UAP1L1: variants seen among roughly 807,000 people sequenced by gnomAD.
UAP1L1 encodes UDP-N-acetylglucosamine pyrophosphorylase 1 like 1, also known as UDP-N-acetylhexosamine pyrophosphorylase-like protein 1.
Under a neutral mutation model 45.3 loss-of-function variants are expected in UAP1L1, and 45 were observed. The observed-to-expected ratio is 0.99, with a 90% CI of 0.78 to 1.27. UAP1L1 has a LOEUF of 1.27. UAP1L1 is among the 50% of genes most tolerant of loss of function. The pLI is 0.00. For missense variants in UAP1L1, 667 were observed against 694.0 expected (o/e 0.96, Z 0.44); for synonymous variants, 323 against 303.9 (o/e 1.06, Z -0.65).
Position 137,082,677 on chromosome 9 carries a change from C to T in UAP1L1, c.1472C>T (p.Pro491Leu), listed in dbSNP as rs905551453. ...VYLQGREFQS[P>L]LILDEDQARE... ...CTGCAAGGCCGGGAGTTCCAGTCCC[C>T]GCTCATCCTGGATGAAGACCAGGCC... Residue 491 changes from proline (P) to leucine (L), a missense_variant, in exon 9 of 9, where the codon CCG becomes CTG. Coordinates refer to ENST00000409858, the MANE Select transcript of UAP1L1 (RefSeq NM_207309.3). The surrounding 1 kb of genome is among the most constrained non-coding windows in gnomAD (Gnocchi z 5.7). 7.7e-6 allele frequency: 12 copies of T among 1,552,092 alleles called. No homozygotes were observed. The highest frequency in any genetic ancestry group is 5.9e-5 in the South Asian group (5 of 84,112).
At chr9:137,079,510 C>G in intron 5 of UAP1L1, 61 bp downstream of exon 5, 1 of 1,506,152 alleles carries the variant, frequency 6.6e-7, no homozygotes. Context: ...ACCAGGGACC[C>G]GCGGGGTCCC....
chr9:137,080,228 G>A (rs1832769738), intron 6 of UAP1L1, 86 bp downstream of exon 6: 1 of 1,552,152 alleles, frequency 6.4e-7, no homozygotes, highest in East Asian at 2.2e-5. Context: ...TAGGGAAGTA[G>A]AGGCTTGAGG....
At position 137,078,199 on chromosome 9, in the gene UAP1L1, C is replaced by T. The variant is rs940169331; in HGVS notation, c.439C>T (p.Arg147Trp). Residue 147 changes from arginine (R) to tryptophan (W), a missense_variant, in exon 2 of 9, where the codon CGG becomes TGG. Arg to Trp is a moderately radical substitution (Grantham distance 101, BLOSUM62 -3). Transcript: ENST00000409858. Reference sequence around the variant, plus strand: ...GTACCAGCTGCAGGCGGAGCGGATTCGGCGGGTGGAGCAGCTGGCCGGTGA... The same window carrying T: ...GTACCAGCTGCAGGCGGAGCGGATTTGGCGGGTGGAGCAGCTGGCCGGTGA... Reference protein sequence around the residue: ...TLYQLQAERIRRVEQLAGERH... With the variant: ...TLYQLQAERIWRVEQLAGERH... The T allele has an allele frequency of 6.8e-5, 105 of 1,549,040 alleles. No individual in the cohort carries two copies. The highest frequency in any genetic ancestry group is 8.5e-5 in the Non-Finnish European group (98 of 1,146,740).
In UAP1L1 at chr9:137,079,308, A is replaced by G; in HGVS notation, c.896A>G (p.Asp299Gly). The change falls in exon 5 of 9, where the codon GAC becomes GGC. Residue 299 changes from aspartate (D) to glycine (G), a missense_variant. Asp to Gly is a moderately conservative substitution (Grantham distance 94). Coordinates refer to ENST00000409858, the MANE Select transcript of UAP1L1 (RefSeq NM_207309.3). ...CCCGTGGGCGTGGTGTGCCAGGTGG[A>G]CGGTGTCCCCCAGGTGGTGGAGTAC... The part of the protein sequence containing the change: ...EEPVGVVCQV[D>G]GVPQVVEYSE... The G allele has an allele frequency of 6.2e-7, 1 of 1,612,904 alleles. No individual in the cohort carries two copies. The highest frequency in any genetic ancestry group is 1.3e-5 in the African/African-American group (1 of 75,040).
At position 137,082,546 on chromosome 9, in the gene UAP1L1, G is replaced by C. The variant is rs913582934; in HGVS notation, c.1432-91G>C. 3.8e-6 allele frequency: 4 copies of C among 1,062,852 alleles called. No individual in the cohort carries two copies. The highest frequency in any genetic ancestry group is 2.1e-5 in the Admixed American group (1 of 46,890). 65.8% of individuals were successfully genotyped at this position (1,062,852 alleles called of 1,614,324 possible). On this transcript the variant is annotated intron_variant, in intron 8 of 8. Coordinates refer to ENST00000409858, the MANE Select transcript of UAP1L1 (RefSeq NM_207309.3). The surrounding 1 kb of genome is among the most constrained non-coding windows in gnomAD (Gnocchi z 5.7). ...CCTGACTCCAGGCAGACCTGGGATC[G>C]CACCTGGGGACTGTGGCTCTTGGTG... is the stretch of plus-strand genomic sequence containing the variant.
chr9:137,077,803 C>A lies in UAP1L1; in HGVS notation c.271C>A (p.Arg91=). 7.2e-7 allele frequency: 1 copy of A among 1,382,634 alleles called. No individual in the cohort carries two copies. The highest frequency in any genetic ancestry group is 9.3e-7 in the Non-Finnish European group (1 of 1,072,396). 85.6% of individuals were successfully genotyped at this position (1,382,634 alleles called of 1,614,324 possible). A position where few individuals can be genotyped will look rare whatever the true frequency, so the allele number is the denominator to read the frequency against. Residue 91 remains arginine, a synonymous_variant, in exon 1 of 9, where the codon CGG becomes AGG. Coordinates refer to ENST00000409858, the MANE Select transcript of UAP1L1 (RefSeq NM_207309.3). This position sits in a 1 kb window ranked among gnomAD's most constrained non-coding sequence, Gnocchi z 4.7. The part of the protein sequence containing the change: ...RASRSDPETR[R]RWEEEGFRQI... Reference sequence around the variant, plus strand: ...CAGCCGCAGCGACCCCGAGACACGGCGGCGCTGGGAGGAGGAAGGTAAGCG... The same window carrying A: ...CAGCCGCAGCGACCCCGAGACACGGAGGCGCTGGGAGGAGGAAGGTAAGCG...
At chr9:137,081,672 A>G (rs1832789801) in intron 7 of UAP1L1, among the ~76,000 whole-genome samples, 1 of 152,198 alleles carries the variant, frequency 6.6e-6, no homozygotes, top group African/African-American at 2.4e-5. Flanking sequence ...TTTAGAAAGT[A>G]GCAGGACAGT....
chr9:137,079,189 C>T (rs762398416), intron 4 of UAP1L1, 41 bp downstream of exon 4: 2 of 1,590,616 alleles, frequency 1.3e-6, no homozygotes, highest in Non-Finnish European at 1.7e-6. Context: ...CCGAGGCTGG[C>T]CCCGCCCCTC....
At chr9:137,080,184 TCA>T (rs747626471) in intron 6 of UAP1L1, 42 bp downstream of exon 6, 2 of 1,608,662 alleles carry the variant, frequency 1.2e-6, no homozygotes, top group South Asian at 2.2e-5. Flanking sequence ...CTTCCTTCTC[TCA>T]GTTTTGGTGG....
rs1832723133 is a variant in UAP1L1 at position 137,078,147 on chromosome 9, T to C, written c.387T>C (p.Arg129=). 6.5e-7 allele frequency: 1 copy of C among 1,549,978 alleles called. No homozygotes were observed. The highest frequency in any genetic ancestry group is 8.7e-7 in the Non-Finnish European group (1 of 1,146,830). Residue 129 remains arginine, a synonymous_variant, in exon 2 of 9, where the codon CGT becomes CGC. Transcript: ENST00000409858. ...LGVTYPKGMY[R]VGLPSRKTLY... ...TGACCTACCCCAAGGGTATGTACCG[T>C]GTGGGGCTGCCCAGCCGGAAGACCC... is the stretch of plus-strand genomic sequence containing the variant.
intron 6 of UAP1L1, 144 bp from the exon 7 acceptor site, chr9:137,080,541 ACACT>A: frequency 2.5e-6 from 2 of 789,534 alleles, no homozygotes; most frequent in Non-Finnish European, 4.0e-6. Flanking sequence ...AGGAGCAAAA[ACACT>A]CAGTACCTGC....
In UAP1L1 at chr9:137,080,044, G is replaced by A. The variant is rs1333038603; in HGVS notation, c.1080G>A (p.Lys360=). 1 of 1,614,138 alleles carries A rather than the reference G, an allele frequency of 6.2e-7. No homozygotes were observed. Among genetic ancestry groups the A allele is most frequent in the African/African-American group, 1.3e-5 (1 of 75,058 alleles). ...PLLKPHVAVK[K]VPYVDEEGNL... is the part of the protein sequence containing the mutation. ...TGAAGCCACACGTGGCTGTGAAGAAGGTCCCGTATGTGGATGAGGAGGGGA... is the reference window on the plus strand; with the variant it reads ...TGAAGCCACACGTGGCTGTGAAGAAAGTCCCGTATGTGGATGAGGAGGGGA... Residue 360 remains lysine (K), a synonymous_variant, in exon 6 of 9, where the codon AAG becomes AAA. Transcript: ENST00000409858.
chr9:137,082,989 G>A lies in UAP1L1; in HGVS notation c.*260G>A. Reference sequence around the variant, plus strand: ...GGCGACAGCCTGCTGGGGGCTCTGTGGCTCCATTCCTGGCTGTGGGGTCTA... The same window carrying A: ...GGCGACAGCCTGCTGGGGGCTCTGTAGCTCCATTCCTGGCTGTGGGGTCTA... On this transcript the variant is annotated 3_prime_UTR_variant, in exon 9 of 9. Transcript: ENST00000409858. The surrounding 1 kb of genome is among the most constrained non-coding windows in gnomAD (Gnocchi z 5.7). 2 of 479,266 alleles carry A rather than the reference G, an allele frequency of 4.2e-6. No homozygotes were observed. Among genetic ancestry groups the A allele is most frequent in the Admixed American group, 6.5e-5 (2 of 30,702 alleles). 29.7% of individuals were successfully genotyped at this position (479,266 alleles called of 1,614,324 possible).
At chr9:137,080,351 T>C in intron 6 of UAP1L1, 1 of 634,502 alleles carries the variant, frequency 1.6e-6, no homozygotes, top group Non-Finnish European at 2.7e-6. Context: ...GCTGTGGACT[T>C]GGGAGGACAG....
Position 137,082,993 on chromosome 9 carries a change from C to T in UAP1L1, c.*264C>T. The T allele has an allele frequency of 2.1e-6, 1 of 465,672 alleles. No individual in the cohort carries two copies. Among genetic ancestry groups the T allele is most frequent in the South Asian group, 2.5e-5 (1 of 39,496 alleles). 28.8% of individuals were successfully genotyped at this position (465,672 alleles called of 1,614,324 possible). A position where few individuals can be genotyped will look rare whatever the true frequency, so the allele number is the denominator to read the frequency against. ...ACAGCCTGCTGGGGGCTCTGTGGCT[C>T]CATTCCTGGCTGTGGGGTCTAGTCA... is the stretch of plus-strand genomic sequence containing the variant. On this transcript the variant is annotated 3_prime_UTR_variant, in exon 9 of 9. Transcript: ENST00000409858. This position sits in a 1 kb window ranked among gnomAD's most constrained non-coding sequence, Gnocchi z 5.7.
At position 137,077,822 on chromosome 9, in the gene UAP1L1, G is replaced by T. The variant is rs1329801532; in HGVS notation, c.289+1G>T. 7.1e-7 allele frequency: 1 copy of T among 1,410,758 alleles called. No individual in the cohort carries two copies. Among genetic ancestry groups the T allele is most frequent in the Non-Finnish European group, 9.2e-7 (1 of 1,087,692 alleles). 87.4% of individuals were successfully genotyped at this position (1,410,758 alleles called of 1,614,324 possible). ...ACACGGCGGCGCTGGGAGGAGGAAGGTAAGCGGGGTGGGAGGCCCTGGGGG... is the reference window on the plus strand; with the variant it reads ...ACACGGCGGCGCTGGGAGGAGGAAGTTAAGCGGGGTGGGAGGCCCTGGGGG... On this transcript the variant is annotated splice_donor_variant, in intron 1 of 8. Coordinates refer to ENST00000409858, the MANE Select transcript of UAP1L1 (RefSeq NM_207309.3). LOFTEE classifies it high-confidence loss of function. This position sits in a 1 kb window ranked among gnomAD's most constrained non-coding sequence, Gnocchi z 4.7.
intron 6 of UAP1L1, 175 bp from the exon 7 acceptor site, chr9:137,080,514 G>A: frequency 1.5e-6 from 1 of 659,600 alleles, no homozygotes; most frequent in Non-Finnish European, 2.5e-6. Context: ...CTGGGATTGG[G>A]CCATCCCTGG....
intron 3 of UAP1L1, 149 bp downstream of exon 3, chr9:137,078,826 C>A: frequency 7.7e-7 from 1 of 1,301,766 alleles, no homozygotes; most frequent in South Asian, 1.5e-5. Context: ...CGTCATTTGT[C>A]ACATGGTACA....
chr9:137,077,645 TG>T lies in UAP1L1; in HGVS notation c.115del (p.Ala39ArgfsTer65). 7.7e-7 allele frequency: 1 copy of T among 1,304,974 alleles called. No individual in the cohort carries two copies. The highest frequency in any genetic ancestry group is 1.6e-5 in the South Asian group (1 of 60,844). 80.8% of individuals were successfully genotyped at this position (1,304,974 alleles called of 1,614,324 possible). ...PEPRAALLAELALLEPEALRE... is the reference protein window; with the variant it reads ...PEPRAALLAEXALLEPEALRE... ...CCACGAGCCGCGCTGCTGGCGGAGCTGGCGCTGCTGGAGCCCGAGGCGCTGC... is the reference window on the plus strand; with the variant it reads ...CCACGAGCCGCGCTGCTGGCGGAGCTGCGCTGCTGGAGCCCGAGGCGCTGC... On this transcript the variant is annotated frameshift_variant, in exon 1 of 9. Coordinates refer to ENST00000409858, the MANE Select transcript of UAP1L1 (RefSeq NM_207309.3). LOFTEE classifies it high-confidence loss of function. The surrounding 1 kb of genome is among the most constrained non-coding windows in gnomAD (Gnocchi z 4.7).
Sources: gnomAD v4.1 joint callset for allele counts (sites outside exome capture counted in the v4.1 genomes callset) on GRCh38, gnomAD v4.1.1 for gene constraint, Gnocchi (gnomAD v3.1) non-coding constraint, MANE v1.5 for transcripts, NCBI Gene and HGNC (gene_info 2026-07-23, HGNC 2026-07-21) for gene names.